SLC39A8: variants seen among roughly 807,000 people sequenced by gnomAD.
The protein encoded by SLC39A8 is solute carrier family 39 member 8.
Under a neutral mutation model 40.4 loss-of-function variants are expected in SLC39A8, and 15 were observed. That is an observed-to-expected ratio of 0.37 (90% CI 0.25 to 0.57). The LOEUF is 0.57. Ranked by LOEUF, SLC39A8 falls within the 20% of genes least tolerant of loss-of-function variation. SLC39A8 has a pLI of 0.75. For synonymous variants in SLC39A8, 223 were observed against 221.6 expected (o/e 1.01, Z -0.06); for missense variants, 472 against 558.8 (o/e 0.84, Z 1.57).
chr4:102,294,399 C>T (rs1384598964), intron 6 of SLC39A8, among the ~76,000 whole-genome samples: 1 of 152,004 alleles, frequency 6.6e-6, no homozygotes, highest in Non-Finnish European at 1.5e-5. Context: ...TCAAATTCCT[C>T]ATTCCCTCTG....
At chr4:102,268,341 T>C (rs1560527393) in intron 6 of SLC39A8, among the ~76,000 whole-genome samples, 1 of 152,372 alleles carries the variant, frequency 6.6e-6, no homozygotes, top group African/African-American at 2.4e-5. Context: ...TCTTTTGACT[T>C]GTATAAACTT....
At chr4:102,317,924 G>GC (rs1734735072) in intron 2 of SLC39A8, among the ~76,000 whole-genome samples, 1 of 152,152 alleles carries the variant, frequency 6.6e-6, no homozygotes. Context: ...GGCACAGTCT[G>GC]CATTTTTTAA....
chr4:102,255,465 G>A (rs1224659400), intron 11 of SLC39A8, among the ~76,000 whole-genome samples: 1 of 152,034 alleles, frequency 6.6e-6, no homozygotes, highest in African/African-American at 2.4e-5. Context: ...TCATTTTCCC[G>A]GGTTTCTCCT....
intron 3 of SLC39A8, among the ~76,000 whole-genome samples, chr4:102,309,104 C>T (rs573692312): frequency 5.3e-5 from 8 of 152,110 alleles, no homozygotes; most frequent in East Asian, 1.9e-4. Context: ...TTTATTAACA[C>T]GAGATTGTTC....
chr4:102,283,498 TAGA>T lies in SLC39A8; in HGVS notation c.841-15422_841-15420del, dbSNP rs566933877. ...GGATTCAAGTACCTCTGGTTTTGAGTAGAAGACACTGAACTAATGTGCTGAGGT... is the reference window on the plus strand; with the variant it reads ...GGATTCAAGTACCTCTGGTTTTGAGTAGACACTGAACTAATGTGCTGAGGT... On this transcript the variant is annotated intron_variant, in intron 6 of 8. Coordinates refer to ENST00000356736, the MANE Select transcript of SLC39A8 (RefSeq NM_001135146.2). 1.7e-4 allele frequency among the ~76,000 whole-genome samples: 26 copies of T among 152,274 alleles called. No individual in the cohort carries two copies. In the South Asian group the frequency reaches 5.4e-3, roughly 32 times the overall value.
Position 102,262,819 on chromosome 4 carries a change from C to A in SLC39A8, c.*225G>T. On this transcript the variant is annotated 3_prime_UTR_variant, in exon 9 of 9. Coordinates refer to ENST00000356736, the MANE Select transcript of SLC39A8 (RefSeq NM_001135146.2). ...CTGAAAAATAGGTATTTCCCAAAGG[C>A]TCCTATATACCAGGCATCTCAGACT... 7.7e-7 allele frequency: 1 copy of A among 1,293,642 alleles called. No individual in the cohort carries two copies. Among genetic ancestry groups the A allele is most frequent in the Non-Finnish European group, 9.8e-7 (1 of 1,021,088 alleles). The allele number at this position is 1,293,642 out of a possible 1,614,324, so 80.1% of individuals were successfully genotyped here.
chr4:102,344,569 C>G lies in SLC39A8; in HGVS notation c.94G>C (p.Asp32His). The change falls in exon 2 of 9, where the codon GAT (aspartate) becomes CAT (histidine). Residue 32 changes from aspartate to histidine, a missense_variant. Around this residue, in one of 4 missense-constraint regions of SLC39A8, gnomAD observed 175 missense variants for 160.5 expected, o/e 1.09. Transcript: ENST00000356736. ...AEGPGLAFSE[D>H]VLSVFGANLS... ...TTCGCGCCGAACACGCTCAGCACATCCTCGCTGAAGGCTAGCCCTGGCCCC... is the reference window on the plus strand; with the variant it reads ...TTCGCGCCGAACACGCTCAGCACATGCTCGCTGAAGGCTAGCCCTGGCCCC... 1 of 1,551,720 alleles carries G rather than the reference C, an allele frequency of 6.4e-7. No homozygotes were observed. The highest frequency in any genetic ancestry group is 8.7e-7 in the Non-Finnish European group (1 of 1,147,776).
chr4:102,345,410 C>G lies in SLC39A8; in HGVS notation c.-319G>C, dbSNP rs1736132559. On this transcript the variant is annotated 5_prime_UTR_variant, in exon 1 of 9. Coordinates refer to ENST00000356736, the MANE Select transcript of SLC39A8 (RefSeq NM_001135146.2). ...TCTGCGTGTCAACGTAAGACTCGGT[C>G]TCTGGATCTCTCTCTCTTTCTGTCT... The G allele has an allele frequency of 6.6e-6, 1 of 152,582 alleles. No homozygotes were observed. Among genetic ancestry groups the G allele is most frequent in the Non-Finnish European group, 1.5e-5 (1 of 68,204 alleles). 9.5% of individuals were successfully genotyped at this position (152,582 alleles called of 1,614,324 possible).
intron 2 of SLC39A8, among the ~76,000 whole-genome samples, chr4:102,328,878 A>C (rs577018464): frequency 4.6e-5 from 7 of 152,220 alleles, no homozygotes; most frequent in African/African-American, 1.4e-4. Context: ...ATACAAAAAA[A>C]TTAGCTGGGC....
At chr4:102,336,744 T>C (rs1172824140) in intron 2 of SLC39A8, among the ~76,000 whole-genome samples, 1 of 152,206 alleles carries the variant, frequency 6.6e-6, no homozygotes, top group Non-Finnish European at 1.5e-5. Flanking sequence ...CTGAATGTTT[T>C]CTATGCTCCC....
downstream of SLC39A8, chr4:102,259,510 A>C: frequency 1.3e-6 from 2 of 1,543,558 alleles, no homozygotes; most frequent in South Asian, 2.4e-5. Flanking sequence ...AGCCCATTTG[A>C]TTATCTACAA....
intron 6 of SLC39A8, among the ~76,000 whole-genome samples, chr4:102,298,277 A>G (rs967652433): frequency 2.6e-5 from 4 of 152,086 alleles, no homozygotes; most frequent in African/African-American, 9.6e-5. Context: ...TCATGACCTT[A>G]GCAACACATA....
chr4:102,259,957 T>C (rs1463177161), downstream of SLC39A8, among the ~76,000 whole-genome samples: 2 of 152,212 alleles, frequency 1.3e-5, no homozygotes, highest in Non-Finnish European at 2.9e-5. Context: ...CCTTAGAATA[T>C]AGATCATCCT....
At chr4:102,341,321 G>A (rs72692261) in intron 2 of SLC39A8, among the ~76,000 whole-genome samples, 23,168 of 151,802 alleles carry the variant, frequency 0.15, 1,948 homozygotes, top group Middle Eastern at 0.26. Context: ...TTATCAGGCT[G>A]TTTAACCACT....
chr4:102,255,416 T>A (rs932259169), intron 11 of SLC39A8, among the ~76,000 whole-genome samples: 1 of 152,166 alleles, frequency 6.6e-6, no homozygotes, highest in African/African-American at 2.4e-5. Flanking sequence ...CTCTCTCCAA[T>A]CAGTCCCCAT....
At chr4:102,328,332 T>C (rs1735305823) in intron 2 of SLC39A8, among the ~76,000 whole-genome samples, 1 of 151,380 alleles carries the variant, frequency 6.6e-6, no homozygotes, top group African/African-American at 2.4e-5. Context: ...TCAGGCCTTA[T>C]CTCTCTGTTT....
At chr4:102,297,644 T>C (rs188423555) in intron 6 of SLC39A8, among the ~76,000 whole-genome samples, 2 of 152,092 alleles carry the variant, frequency 1.3e-5, no homozygotes, top group East Asian at 1.9e-4. Context: ...AGGCCAGATG[T>C]GGTGGCTCAC....
rs552690402 is a variant in SLC39A8 at position 102,301,168 on chromosome 4, T to C, written c.840+3149A>G. ...CCATTATTCCCTCTCACTAGATAGGTAGTTTACCTAGGTTTATAATTCCAC... is the reference window on the plus strand; with the variant it reads ...CCATTATTCCCTCTCACTAGATAGGCAGTTTACCTAGGTTTATAATTCCAC... On this transcript the variant is annotated intron_variant, in intron 6 of 8. Coordinates refer to ENST00000356736, the MANE Select transcript of SLC39A8 (RefSeq NM_001135146.2). Among the ~76,000 whole-genome samples the C allele has an allele frequency of 2.0e-5, 3 of 152,052 alleles. No homozygotes were observed. In the East Asian group the frequency reaches 5.8e-4, roughly 30 times the overall value.
intron 2 of SLC39A8, among the ~76,000 whole-genome samples, chr4:102,338,210 G>T (rs946339975): frequency 5.5e-5 from 8 of 144,592 alleles, no homozygotes; most frequent in African/African-American, 2.1e-4. Context: ...TTTTCGAGAC[G>T]GAGTCTTACT....
Sources: gnomAD v4.1 joint callset for allele counts (sites outside exome capture counted in the v4.1 genomes callset) on GRCh38, gnomAD v4.1.1 for gene constraint, gnomAD v4.1.1 regional missense constraint, MANE v1.5 for transcripts, NCBI Gene and HGNC (gene_info 2026-07-23, HGNC 2026-07-21) for gene names.